RAD51B: variants seen among roughly 807,000 people sequenced by gnomAD.
RAD51B encodes the protein RAD51 paralog B, also known as DNA repair protein RAD51 homolog 2.
RAD51B carries 38 observed loss-of-function variants against 42.2 expected under a neutral mutation model. The ratio of observed to expected loss-of-function variants is 0.90; its 90% CI spans 0.70 to 1.18. The LOEUF is 1.18. Among genes scored for constraint, RAD51B ranks in the 50% most tolerant of loss-of-function variants. The pLI is 0.00. For synonymous variants in RAD51B, 154 were observed against 145.2 expected (o/e 1.06, Z -0.43); for missense variants, 373 against 400.7 (o/e 0.93, Z 0.59).
At chr14:68,275,769 C>T (rs1395280571) in intron 7 of RAD51B, among the ~76,000 whole-genome samples, 2 of 147,566 alleles carry the variant, frequency 1.4e-5, no homozygotes, top group East Asian at 4.1e-4. Context: ...AATTTAGCTT[C>T]TAAATACAGT....
chr14:68,228,475 C>T (rs920477482), intron 7 of RAD51B, among the ~76,000 whole-genome samples: 3 of 152,084 alleles, frequency 2.0e-5, no homozygotes, highest in Admixed American at 2.0e-4. Context: ...TTCATTGTCT[C>T]GCCTTTAACA....
intron 7 of RAD51B, among the ~76,000 whole-genome samples, chr14:68,121,591 C>T (rs1054834191): frequency 6.6e-6 from 1 of 152,060 alleles, no homozygotes; most frequent in Non-Finnish European, 1.5e-5. Flanking sequence ...CCAATGATCA[C>T]CCTTATTCCT....
intron 9 of RAD51B, among the ~76,000 whole-genome samples, chr14:68,425,050 C>T (rs2084800192): frequency 1.3e-5 from 2 of 152,212 alleles, no homozygotes; most frequent in African/African-American, 4.8e-5. Flanking sequence ...GCTGAGATTA[C>T]AGGCATGAGC....
intron 7 of RAD51B, among the ~76,000 whole-genome samples, chr14:67,979,018 A>G (rs1395972707): frequency 6.6e-6 from 1 of 152,180 alleles, no homozygotes; most frequent in African/African-American, 2.4e-5. Flanking sequence ...ATGCTTCCAT[A>G]TGCTAAAAGC....
intron 7 of RAD51B, among the ~76,000 whole-genome samples, chr14:67,924,045 A>T (rs2044420615): frequency 6.6e-6 from 1 of 152,062 alleles, no homozygotes; most frequent in African/African-American, 2.4e-5. Context: ...TTGCTTATTC[A>T]TGTCTTTAGC....
At chr14:67,848,750 C>T (rs531373223) in intron 4 of RAD51B, among the ~76,000 whole-genome samples, 8 of 152,282 alleles carry the variant, frequency 5.3e-5, no homozygotes, top group South Asian at 2.1e-4. Context: ...TTAGCATTTC[C>T]TGAAGGACCT....
chr14:67,902,428 A>G (rs1177245069), intron 7 of RAD51B, among the ~76,000 whole-genome samples: 1 of 152,198 alleles, frequency 6.6e-6, no homozygotes, highest in Non-Finnish European at 1.5e-5. Context: ...ATCCTTAGTT[A>G]TTTGAACAAT....
chr14:68,576,418 C>T (rs1480137193), intron 10 of RAD51B, among the ~76,000 whole-genome samples: 1 of 152,222 alleles, frequency 6.6e-6, no homozygotes, highest in Non-Finnish European at 1.5e-5. Context: ...CCCAGAGGAC[C>T]TTGAGGCTTT....
At chr14:68,037,439 T>C (rs2076151964) in intron 7 of RAD51B, among the ~76,000 whole-genome samples, 1 of 151,716 alleles carries the variant, frequency 6.6e-6, no homozygotes, top group African/African-American at 2.4e-5. Flanking sequence ...CAGGATGGTC[T>C]CAATCTTCTG....
chr14:68,405,367 A>T (rs1648024388), intron 8 of RAD51B, among the ~76,000 whole-genome samples: 1 of 152,148 alleles, frequency 6.6e-6, no homozygotes, highest in Non-Finnish European at 1.5e-5. Flanking sequence ...TTGCTTGAGC[A>T]TGGGAATTCA....
downstream of RAD51B, among the ~76,000 whole-genome samples, chr14:68,598,746 A>G (rs1891102529): frequency 6.6e-6 from 1 of 152,206 alleles, no homozygotes; most frequent in South Asian, 2.1e-4. Context: ...GGAGGCGGGG[A>G]GGAGCCCCAC....
At chr14:68,081,233 G>A (rs1212408085) in intron 7 of RAD51B, among the ~76,000 whole-genome samples, 2 of 152,226 alleles carry the variant, frequency 1.3e-5, no homozygotes, top group East Asian at 3.8e-4. Flanking sequence ...GTCTTCCAGA[G>A]AGCATAGGTT....
At chr14:67,930,316 G>A (rs1393971194) in intron 7 of RAD51B, among the ~76,000 whole-genome samples, 1 of 150,396 alleles carries the variant, frequency 6.6e-6, no homozygotes, top group African/African-American at 2.4e-5. Context: ...TTATATTTTT[G>A]TGTGTATACT....
intron 10 of RAD51B, chr14:68,610,873 G>A (rs906935100): frequency 6.5e-6 from 4 of 615,954 alleles, no homozygotes; most frequent in African/African-American, 1.8e-5. Flanking sequence ...GTGTGTGTGT[G>A]TGTGTGTGTG....
At chr14:68,429,242 T>A (rs191607804) in intron 9 of RAD51B, among the ~76,000 whole-genome samples, 4 of 152,352 alleles carry the variant, frequency 2.6e-5, no homozygotes, top group African/African-American at 7.2e-5. Context: ...TATAGCACCA[T>A]GATTTATAAT....
chr14:68,356,410 G>C (rs1594717199), intron 8 of RAD51B, among the ~76,000 whole-genome samples: 1 of 140,128 alleles, frequency 7.1e-6, no homozygotes, highest in Admixed American at 7.7e-5. Context: ...ACCCCAACCT[G>C]GGCGACAGAG....
chr14:68,405,418 T>C (rs569997798), intron 8 of RAD51B, among the ~76,000 whole-genome samples: 1 of 152,294 alleles, frequency 6.6e-6, no homozygotes, highest in Non-Finnish European at 1.5e-5. Context: ...CATTCCAGCC[T>C]GGGCAATAAG....
chr14:68,644,845 A>G lies in RAD51B; in HGVS notation c.1037-5936A>G, dbSNP rs1030051202. ...CAGAACTATATAAAGAAGAGAATAAAAATAACCTATAATATCAGTACTCAG... is the reference window on the plus strand; with the variant it reads ...CAGAACTATATAAAGAAGAGAATAAGAATAACCTATAATATCAGTACTCAG... On this transcript the variant is annotated intron_variant, in intron 10 of 11. Coordinates refer to the RAD51B transcript ENST00000488612. Among the ~76,000 whole-genome samples, 82 of 152,210 alleles carry G rather than the reference A, an allele frequency of 5.4e-4. 5 individuals are homozygous for G. Among genetic ancestry groups the G allele is most frequent in the Admixed American group, 2.0e-4 (3 of 15,278 alleles).
At chr14:68,189,867 T>A (rs900213964) in intron 7 of RAD51B, among the ~76,000 whole-genome samples, 3 of 152,130 alleles carry the variant, frequency 2.0e-5, no homozygotes, top group Non-Finnish European at 4.4e-5. Context: ...GATTTCACGA[T>A]GTTGATCAGG....
Sources: allele counts gnomAD v4.1 joint callset (sites outside exome capture counted in the v4.1 genomes callset), GRCh38; gene constraint gnomAD v4.1.1; transcripts MANE v1.5; gene names NCBI Gene and HGNC (gene_info 2026-07-23, HGNC 2026-07-21).